Variants in AP2A1 observed in about 807,000 individuals in gnomAD.
The protein encoded by AP2A1 is AP-2 complex subunit alpha-1.
AP2A1 carries 21 observed loss-of-function variants against 107.3 expected under a neutral mutation model. The observed-to-expected ratio is 0.20, with a 90% confidence interval of 0.14 to 0.28. The LOEUF is 0.28. Ranked by LOEUF, AP2A1 falls within the 10% of genes least tolerant of loss-of-function variation. The probability of loss-of-function intolerance (pLI) is 1.00; values close to 1 mark genes in which losing one functional copy is unlikely to be tolerated. For synonymous variants in AP2A1, 602 were observed against 564.8 expected, an observed-to-expected ratio of 1.07 and a Z score of -0.93; for missense variants, 873 against 1,307.7, an observed-to-expected ratio of 0.67 and a Z score of 5.13.
Position 49,803,323 on chromosome 19 carries a change from T to C in AP2A1, c.2291T>C (p.Val764Ala), listed in dbSNP as rs761984353. The change falls in exon 18 of 23, where the codon GTG (valine) becomes GCG (alanine). Residue 764 changes from valine (V) to alanine (A), a missense_variant. Val to Ala is a moderately conservative substitution (Grantham distance 64). Transcript: ENST00000354293. ...CTCTTCTATGGCAACAAGACCTCGG[T>C]GCAGTTCCAGAATTTCTCACCCACT... The part of the protein sequence containing the change: ...MYLFYGNKTS[V>A]QFQNFSPTVV... 1 of 1,613,790 alleles carries C rather than the reference T, an allele frequency of 6.2e-7. No homozygotes were observed. The highest frequency in any genetic ancestry group is 8.5e-7 in the Non-Finnish European group (1 of 1,179,888).
In AP2A1 at chr19:49,805,348, C is replaced by T. The variant is rs570390982; in HGVS notation, c.2345-105C>T. On this transcript the variant is annotated intron_variant, in intron 18 of 22. Coordinates refer to ENST00000354293, the MANE Select transcript of AP2A1 (RefSeq NM_130787.3). ...AGTCCAGGATTGCACCATGGGGTCCCTCAAAGACCTGCAGGCGGGAGCTGC... is the reference window on the plus strand; with the variant it reads ...AGTCCAGGATTGCACCATGGGGTCCTTCAAAGACCTGCAGGCGGGAGCTGC... 1.4e-5 allele frequency: 19 copies of T among 1,333,860 alleles called. No homozygotes were observed. In the South Asian group the frequency reaches 1.7e-4, roughly 12 times the overall value. The allele number at this position is 1,333,860 out of a possible 1,614,324, so 82.6% of individuals were successfully genotyped here.
chr19:49,795,586 CTCCCACCCCAG>C, intron 6 of AP2A1, 33 bp from the exon 7 acceptor site: 1 of 727,796 alleles, frequency 1.4e-6, no homozygotes, highest in Non-Finnish European at 2.5e-6. Flanking sequence ...CCACGTGCCC[CTCCCACCCCAG>C]CCCCCAACTT....
intron 3 of AP2A1, 90 bp downstream of exon 3, chr19:49,782,179 A>T: frequency 1.2e-4 from 9 of 72,642 alleles, no homozygotes; most frequent in African/African-American, 2.3e-4. Flanking sequence ...CTGGGGGAGG[A>T]GGGGGTCTAG....
chr19:49,782,131 T>A, intron 3 of AP2A1, 42 bp downstream of exon 3: 1 of 844,864 alleles, frequency 1.2e-6, no homozygotes, highest in Non-Finnish European at 1.6e-6. Context: ...GACTCCTGGG[T>A]CTGCGGGGGA....
intron 7 of AP2A1, 22 bp downstream of exon 7, chr19:49,795,760 C>T: frequency 6.6e-7 from 1 of 1,512,426 alleles, no homozygotes; most frequent in Non-Finnish European, 9.0e-7. Flanking sequence ...CGTGCACTCC[C>T]CAACCCGGGG....
chr19:49,795,794 G>T (rs1014598167), intron 7 of AP2A1, 56 bp downstream of exon 7: 20 of 1,314,248 alleles, frequency 1.5e-5, no homozygotes, highest in Non-Finnish European at 2.0e-5. Context: ...GCATCTGGGG[G>T]CCTCCTGCTC....
At chr19:49,787,342 TTTTTGTTTTTTG>T (rs1341312603) in intron 4 of AP2A1, among the ~76,000 whole-genome samples, 15 of 112,896 alleles carry the variant, frequency 1.3e-4, no homozygotes, top group South Asian at 6.7e-4. Flanking sequence ...TTGTTTGTTT[TTTTTGTTTTTTG>T]TTTTTTTTTT....
chr19:49,772,355 G>C (rs2084571517), intron 1 of AP2A1, among the ~76,000 whole-genome samples: 1 of 136,500 alleles, frequency 7.3e-6, no homozygotes, highest in African/African-American at 2.7e-5. Flanking sequence ...CACCTCCCGG[G>C]TTCACGGAGA....
At position 49,801,052 on chromosome 19, in the gene AP2A1, G is replaced by A; in HGVS notation, c.1547G>A (p.Arg516His). ...GGGAACCTGATTGCTGGGGACCCCC[G>A]CTCCAGGTGAGGGAGCCTCAGCCTG... is the stretch of plus-strand genomic sequence containing the variant. ...EFGNLIAGDP[R>H]SSPPVQFSLL... Residue 516 changes from arginine to histidine, a missense_variant, in exon 12 of 23, where the codon CGC becomes CAC. Physicochemically the swap from Arg to His is conservative, Grantham distance 29. Around this residue, in one of 4 missense-constraint regions of AP2A1, gnomAD observed 213 missense variants for 443.5 expected, o/e 0.48. Coordinates refer to ENST00000354293, the MANE Select transcript of AP2A1 (RefSeq NM_130787.3). 1.9e-6 allele frequency: 3 copies of A among 1,603,420 alleles called. No individual in the cohort carries two copies. Among genetic ancestry groups the A allele is most frequent in the Non-Finnish European group, 1.7e-6 (2 of 1,175,236 alleles).
Position 49,795,687 on chromosome 19 carries a change from C to T in AP2A1, c.763C>T (p.Pro255Ser). ...QDYTYYFVPA[P>S]WLSVKLLRLL... ...CTACACCTACTACTTCGTCCCAGCA[C>T]CCTGGCTCTCGGTGAAGCTCCTGCG... is the stretch of plus-strand genomic sequence containing the variant. The change falls in exon 7 of 23, where the codon CCC becomes TCC. Residue 255 changes from proline to serine, a missense_variant. Around this residue, in one of 4 missense-constraint regions of AP2A1, gnomAD observed 157 missense variants for 212.6 expected, o/e 0.74. Coordinates refer to ENST00000354293, the MANE Select transcript of AP2A1 (RefSeq NM_130787.3). 1 of 1,572,054 alleles carries T rather than the reference C, an allele frequency of 6.4e-7. No homozygotes were observed. The highest frequency in any genetic ancestry group is 8.6e-7 in the Non-Finnish European group (1 of 1,159,524).
At chr19:49,771,303 TAAAAAAAAA>T (rs902347385) in intron 1 of AP2A1, among the ~76,000 whole-genome samples, 105 of 98,040 alleles carry the variant, frequency 1.1e-3, no homozygotes, top group African/African-American at 3.9e-3. Context: ...CCTCATCTCT[TAAAAAAAAA>T]AAAAAAAAAA....
chr19:49,803,034 A>G (rs752939657), intron 16 of AP2A1, 29 bp downstream of exon 16: 40 of 1,613,416 alleles, frequency 2.5e-5, no homozygotes, highest in Non-Finnish European at 3.3e-5. Context: ...GGGGGAGGGG[A>G]ACGGGACAGG....
chr19:49,806,321 C>T, intron 22 of AP2A1, 68 bp downstream of exon 22: 2 of 1,487,306 alleles, frequency 1.3e-6, no homozygotes, highest in South Asian at 2.7e-5. Flanking sequence ...TCCACCCTTC[C>T]TGCCTCACTG....
chr19:49,791,380 C>T (rs1316722559), intron 4 of AP2A1, among the ~76,000 whole-genome samples: 4 of 152,092 alleles, frequency 2.6e-5, no homozygotes, highest in Non-Finnish European at 5.9e-5. Flanking sequence ...CAAGCCTGCG[C>T]CACCACACCC....
In AP2A1 at chr19:49,803,091, C is replaced by T; in HGVS notation, c.2172-16C>T. 1 of 1,613,900 alleles carries T rather than the reference C, an allele frequency of 6.2e-7. No homozygotes were observed. The highest frequency in any genetic ancestry group is 8.5e-7 in the Non-Finnish European group (1 of 1,179,840). On this transcript the variant is annotated splice_polypyrimidine_tract_variant and intron_variant, in intron 16 of 22. Coordinates refer to ENST00000354293, the MANE Select transcript of AP2A1 (RefSeq NM_130787.3). The stretch of plus-strand genomic sequence containing the variant: ...AGACAGGCACCCCCGTCATCTTGCG[C>T]CCCCTGCCCCCTCAGGTTTGTGTGT...
intron 1 of AP2A1, among the ~76,000 whole-genome samples, chr19:49,780,345 G>T (rs913138670): frequency 2.6e-5 from 4 of 152,220 alleles, no homozygotes; most frequent in African/African-American, 9.6e-5. Context: ...TTCAGGGGTG[G>T]CAGGAGCCGA....
At chr19:49,786,601 G>C (rs997711062) in intron 4 of AP2A1, among the ~76,000 whole-genome samples, 9 of 152,214 alleles carry the variant, frequency 5.9e-5, no homozygotes, top group African/African-American at 2.2e-4. Context: ...TGGCAGGGGG[G>C]GTGGGAGTCA....
rs1027859292 is a variant in AP2A1, at chr19:49,788,222, T to A, written c.474-3713T>A. On this transcript the variant is annotated intron_variant, in intron 4 of 22. Coordinates refer to ENST00000354293, the MANE Select transcript of AP2A1 (RefSeq NM_130787.3). The surrounding 1 kb of genome is among the most constrained non-coding windows in gnomAD (Gnocchi z 4.5). Reference sequence around the variant, plus strand: ...CCTCAGCTTCCCAAAGTGCTGAGATTACAGGCGTGAGCCACCGCGCCTGAC... The same window carrying A: ...CCTCAGCTTCCCAAAGTGCTGAGATAACAGGCGTGAGCCACCGCGCCTGAC... Among the ~76,000 whole-genome samples, 1 of 152,238 alleles carries A rather than the reference T, an allele frequency of 6.6e-6. No individual in the cohort carries two copies. Among genetic ancestry groups the A allele is most frequent in the Non-Finnish European group, 1.5e-5 (1 of 68,034 alleles).
chr19:49,791,077 G>A (rs1468131624), intron 4 of AP2A1, among the ~76,000 whole-genome samples: 1 of 152,226 alleles, frequency 6.6e-6, no homozygotes, highest in Non-Finnish European at 1.5e-5. Context: ...GGCTCAGGCC[G>A]CAGCCTGCAG....
Sources: allele counts gnomAD v4.1 joint callset (sites outside exome capture counted in the v4.1 genomes callset), GRCh38; gene constraint gnomAD v4.1.1; regional missense constraint gnomAD v4.1.1; non-coding constraint Gnocchi (gnomAD v3.1); transcripts MANE v1.5; gene names NCBI Gene and HGNC (gene_info 2026-07-23, HGNC 2026-07-21).